The following CDH7 variants were observed in gnomAD, a reference collection of about 807,000 sequenced individuals.
CDH7 encodes the protein cadherin 7, also known as cadherin-7.
Under a neutral mutation model 71.8 loss-of-function variants are expected in CDH7, and 25 were observed. The ratio of observed to expected loss-of-function variants is 0.35; its 90% CI spans 0.25 to 0.49. The LOEUF is 0.49. Among genes scored for constraint, CDH7 ranks in the 20% least tolerant of loss-of-function variants. CDH7 has a pLI of 0.99. For synonymous variants in CDH7, 381 were observed against 363.8 expected (o/e 1.05, Z -0.54); for missense variants, 862 against 974.6 (o/e 0.88, Z 1.54).
intron 7 of CDH7, among the ~76,000 whole-genome samples, chr18:65,844,412 T>G (rs77034171): frequency 0.017 from 2,568 of 151,914 alleles, 67 homozygotes; most frequent in African/African-American, 0.054. Flanking sequence ...GTAGGATACA[T>G]GCATATGTTA....
At chr18:65,858,853 C>G (rs187238140) in intron 8 of CDH7, 72 bp from the exon 9 acceptor site, 1 of 1,441,270 alleles carries the variant, frequency 6.9e-7, no homozygotes, top group African/African-American at 1.4e-5. Context: ...TTCTCAGCTT[C>G]GTCATTTTAT....
intron 2 of CDH7, among the ~76,000 whole-genome samples, chr18:65,790,927 C>G (rs1437222674): frequency 6.6e-6 from 1 of 152,116 alleles, no homozygotes; most frequent in Non-Finnish European, 1.5e-5. Flanking sequence ...AAAATGGACC[C>G]ACTAAAGTAT....
chr18:65,827,513 A>T (rs573830735), intron 6 of CDH7, among the ~76,000 whole-genome samples: 1 of 152,034 alleles, frequency 6.6e-6, no homozygotes, highest in Middle Eastern at 3.4e-3. Flanking sequence ...ACACCAGTAG[A>T]CAGTTCAGAT....
chr18:65,860,049 AT>A (rs1161196050), intron 10 of CDH7, among the ~76,000 whole-genome samples: 10 of 152,120 alleles, frequency 6.6e-5, no homozygotes, highest in African/African-American at 9.7e-5. Flanking sequence ...GGAAAGTTAG[AT>A]TTTTCTCATT....
intron 7 of CDH7, among the ~76,000 whole-genome samples, chr18:65,854,327 G>A (rs1288951630): frequency 2.0e-5 from 3 of 151,470 alleles, no homozygotes; most frequent in Admixed American, 6.6e-5. Context: ...TATCTACAAG[G>A]GGAAGCTGCA....
intron 2 of CDH7, among the ~76,000 whole-genome samples, chr18:65,809,075 C>T (rs992937280): frequency 6.6e-6 from 1 of 152,066 alleles, no homozygotes; most frequent in Non-Finnish European, 1.5e-5. Flanking sequence ...GTTGAAGTCC[C>T]ATGCATGTAT....
At position 65,862,687 on chromosome 18, in the gene CDH7, C is replaced by G; in HGVS notation, c.1634C>G (p.Thr545Ser). ...DNKDNTASIL[T>S]RRNGFRRQEQ... ...CTAGACAACACAGCCTCAATACTGA[C>G]CAGGAGAAACGGCTTCCGGAGACAG... Residue 545 changes from threonine to serine, a missense_variant, in exon 11 of 12, where the codon ACC becomes AGC. Transcript: ENST00000397968. 1 of 1,614,076 alleles carries G rather than the reference C, an allele frequency of 6.2e-7. No homozygotes were observed.
chr18:65,798,133 C>T (rs1369488072), intron 2 of CDH7, among the ~76,000 whole-genome samples: 1 of 152,168 alleles, frequency 6.6e-6, no homozygotes, highest in African/African-American at 2.4e-5. Context: ...TTTCTCTTCT[C>T]AAATAAAGAA....
intron 7 of CDH7, among the ~76,000 whole-genome samples, chr18:65,845,620 C>T (rs938175556): frequency 6.6e-6 from 1 of 152,058 alleles, no homozygotes; most frequent in African/African-American, 2.4e-5. Context: ...AGTACAATTA[C>T]TGGCATAGAT....
intron 2 of CDH7, among the ~76,000 whole-genome samples, chr18:65,794,061 A>C (rs1205936368): frequency 2.0e-5 from 3 of 152,174 alleles, no homozygotes; most frequent in African/African-American, 7.2e-5. Context: ...GGAGACAAGA[A>C]TCAGAAATAG....
chr18:65,824,047 T>TA (rs398120581), intron 5 of CDH7, among the ~76,000 whole-genome samples: 1 of 151,050 alleles, frequency 6.6e-6, no homozygotes, highest in Non-Finnish European at 1.5e-5. Flanking sequence ...TTTTTTTTTT[T>TA]CAGTTCAACT....
intron 2 of CDH7, among the ~76,000 whole-genome samples, chr18:65,777,309 T>C (rs927156143): frequency 3.6e-4 from 55 of 152,024 alleles, no homozygotes; most frequent in Admixed American, 8.5e-4. Context: ...AGATGAAAAG[T>C]ACATGAGTTT....
chr18:65,780,683 T>C (rs1204487854), intron 2 of CDH7, among the ~76,000 whole-genome samples: 1 of 151,004 alleles, frequency 6.6e-6, no homozygotes, highest in African/African-American at 2.4e-5. Context: ...TTGGTACCAG[T>C]ACCATGCTGT....
intron 4 of CDH7, among the ~76,000 whole-genome samples, chr18:65,819,424 C>G (rs1436800554): frequency 6.6e-6 from 1 of 152,158 alleles, no homozygotes; most frequent in Non-Finnish European, 1.5e-5. Context: ...CCTTTGAATT[C>G]TTTCTTGGGC....
chr18:65,755,776 T>A lies in CDH7; in HGVS notation c.-197+4626T>A, dbSNP rs545932618. On this transcript the variant is annotated intron_variant, in intron 1 of 11. Transcript: ENST00000397968. ...AGCAGACTACTCTAACTCTGTGGACTGGGATAAATCACAGGGAGGACCTCA... is the reference window on the plus strand; with the variant it reads ...AGCAGACTACTCTAACTCTGTGGACAGGGATAAATCACAGGGAGGACCTCA... Among the ~76,000 whole-genome samples the A allele has an allele frequency of 7.9e-5, 12 of 152,290 alleles. No individual in the cohort carries two copies. The East Asian group carries it at 2.3e-3, about 29-fold the overall frequency.
At chr18:65,857,026 AAAAAG>A (rs201505642) in intron 7 of CDH7, among the ~76,000 whole-genome samples, 9,325 of 151,752 alleles carry the variant, frequency 0.061, 398 homozygotes, top group South Asian at 0.14. Flanking sequence ...TAAAAAAAAA[AAAAAG>A]AAAGAGGGTT....
chr18:65,769,087 T>A (rs2143802839), intron 2 of CDH7, among the ~76,000 whole-genome samples: 1 of 152,264 alleles, frequency 6.6e-6, no homozygotes, highest in Non-Finnish European at 1.5e-5. Context: ...AGCAGTAAAT[T>A]CCAAAACTAA....
chr18:65,810,196 A>G (rs1911484248), intron 3 of CDH7, among the ~76,000 whole-genome samples, 198 bp downstream of exon 3: 1 of 151,986 alleles, frequency 6.6e-6, no homozygotes. Flanking sequence ...ATTTATTTGT[A>G]TGGAATATTA....
At chr18:65,816,529 T>C (rs771738092) in intron 4 of CDH7, among the ~76,000 whole-genome samples, 67 of 152,298 alleles carry the variant, frequency 4.4e-4, no homozygotes, top group South Asian at 1.0e-3. Context: ...AGGAAAAATA[T>C]TGAAATTATG....
Sources: allele counts gnomAD v4.1 joint callset (sites outside exome capture counted in the v4.1 genomes callset), GRCh38; gene constraint gnomAD v4.1.1; transcripts MANE v1.5; gene names NCBI Gene and HGNC (gene_info 2026-07-23, HGNC 2026-07-21).